Variants in ATF7 observed in about 807,000 individuals in gnomAD.
The protein encoded by ATF7 is activating transcription factor 7, also known as cyclic AMP-dependent transcription factor ATF-7.
In ATF7, 10 loss-of-function variants were observed where a neutral mutation model predicts 50.4. The ratio of observed to expected loss-of-function variants is 0.20; its 90% CI spans 0.12 to 0.34. The LOEUF is 0.34. ATF7 is among the 10% of genes least tolerant of loss of function. The pLI, the probability that ATF7 is intolerant of heterozygous loss-of-function variation, is 1.00. For synonymous variants in ATF7, 201 were observed against 226.4 expected, an observed-to-expected ratio of 0.89 and a Z score of 1.01; for missense variants, 465 against 613.9, an observed-to-expected ratio of 0.76 and a Z score of 2.56.
chr12:53,517,310 CAG>C lies in ATF7; in HGVS notation c.1277_1278del (p.Pro426ArgfsTer11). On this transcript the variant is annotated frameshift_variant, in exon 12 of 12. Coordinates refer to ENST00000420353, the MANE Select transcript of ATF7 (RefSeq NM_006856.3). LOFTEE classifies it high-confidence loss of function. ...GCTGTTGCTGAGCTGTGCTGAATCACAGGGGCTGGAGAACCCGTTGGCTCTGA... is the reference window on the plus strand; with the variant it reads ...GCTGTTGCTGAGCTGTGCTGAATCACGGGCTGGAGAACCCGTTGGCTCTGA... Reference protein sequence around the residue: ...ESSEPTGSPAPVIQHSSATAP... With the variant: ...ESSEPTGSPAXVIQHSSATAP... 1 of 1,613,982 alleles carries C rather than the reference CAG, an allele frequency of 6.2e-7. No individual in the cohort carries two copies. Among genetic ancestry groups the C allele is most frequent in the Non-Finnish European group, 8.5e-7 (1 of 1,179,892 alleles).
chr12:53,522,866 C>CAAACA (rs561388853), intron 11 of ATF7, among the ~76,000 whole-genome samples: 115 of 152,332 alleles, frequency 7.5e-4, no homozygotes, highest in African/African-American at 1.7e-3. Context: ...GACTCCGTCT[C>CAAACA]AAACAAAACA....
chr12:53,609,541 G>A (rs1418491247), intron 1 of ATF7, among the ~76,000 whole-genome samples: 5 of 151,446 alleles, frequency 3.3e-5, no homozygotes, highest in East Asian at 1.9e-4. Context: ...GGGAGCTCGG[G>A]AGACCGAGAT....
chr12:53,616,850 CAGG>C (rs1230723094), intron 1 of ATF7, among the ~76,000 whole-genome samples: 8 of 149,582 alleles, frequency 5.3e-5, no homozygotes, highest in African/African-American at 1.7e-4. Flanking sequence ...GAGGCTGAGG[CAGG>C]AGAACTGCTT....
At chr12:53,620,475 C>T (rs972037530) in intron 1 of ATF7, among the ~76,000 whole-genome samples, 2 of 146,694 alleles carry the variant, frequency 1.4e-5, no homozygotes, top group Non-Finnish European at 3.0e-5. Context: ...ACTTGGGAGG[C>T]TGAGGCAGGA....
At position 53,524,421 on chromosome 12, in the gene ATF7, C is replaced by T. The variant is rs768338545; in HGVS notation, c.1125+143G>A. The T allele has an allele frequency of 9.5e-6, 9 of 946,544 alleles. No individual in the cohort carries two copies. Among genetic ancestry groups the T allele is most frequent in the Non-Finnish European group, 1.1e-5 (7 of 646,634 alleles). 58.6% of individuals were successfully genotyped at this position (946,544 alleles called of 1,614,324 possible). A position where few individuals can be genotyped will look rare whatever the true frequency, so the allele number is the denominator to read the frequency against. On this transcript the variant is annotated intron_variant, in intron 10 of 11. Coordinates refer to ENST00000420353, the MANE Select transcript of ATF7 (RefSeq NM_006856.3). The surrounding 1 kb of genome is among the most constrained non-coding windows in gnomAD (Gnocchi z 4.6). The stretch of plus-strand genomic sequence containing the variant: ...CCTATGAAAGAGATTTCAACTCTGA[C>T]CGTTAAGAGATTCTTCATGGGACAA...
Position 53,524,465 on chromosome 12 carries a change from G to T in ATF7, c.1125+99C>A. 1 of 1,350,676 alleles carries T rather than the reference G, an allele frequency of 7.4e-7. No individual in the cohort carries two copies. Among genetic ancestry groups the T allele is most frequent in the Non-Finnish European group, 1.0e-6 (1 of 971,432 alleles). 83.7% of individuals were successfully genotyped at this position (1,350,676 alleles called of 1,614,324 possible). ...GGGACAACTAGATCTGTCCTAATTAGAGAATTACCATCTTCTATCAAATTG... is the reference window on the plus strand; with the variant it reads ...GGGACAACTAGATCTGTCCTAATTATAGAATTACCATCTTCTATCAAATTG... On this transcript the variant is annotated intron_variant, in intron 10 of 11. Transcript: ENST00000420353. The surrounding 1 kb of genome is among the most constrained non-coding windows in gnomAD (Gnocchi z 4.6).
At chr12:53,509,796 G>T (rs1445628599), downstream of ATF7, among the ~76,000 whole-genome samples, 1 of 152,014 alleles carries the variant, frequency 6.6e-6, no homozygotes, top group Admixed American at 6.6e-5. Flanking sequence ...GTGAGCCACC[G>T]CACCTGGCCC....
chr12:53,560,673 T>G (rs1049781505), intron 2 of ATF7, among the ~76,000 whole-genome samples: 1 of 152,178 alleles, frequency 6.6e-6, no homozygotes, highest in Non-Finnish European at 1.5e-5. Flanking sequence ...TGACCTATGA[T>G]GAATTCATGT....
chr12:53,584,615 A>T (rs923894627), intron 2 of ATF7, among the ~76,000 whole-genome samples: 3 of 152,222 alleles, frequency 2.0e-5, no homozygotes, highest in Non-Finnish European at 4.4e-5. Flanking sequence ...TTTACTCATA[A>T]TTGCCAAATC....
chr12:53,543,463 G>T lies in ATF7; in HGVS notation c.146-15C>A, dbSNP rs1447664774. ...AGGCGTTTGATCTGTAGACATGAAA[G>T]AAAAGGAAACTGTTTTAGTTTTGAT... On this transcript the variant is annotated splice_polypyrimidine_tract_variant and intron_variant, in intron 3 of 11. Coordinates refer to ENST00000420353, the MANE Select transcript of ATF7 (RefSeq NM_006856.3). 2 of 1,558,178 alleles carry T rather than the reference G, an allele frequency of 1.3e-6. No homozygotes were observed. The highest frequency in any genetic ancestry group is 4.0e-5 in the Admixed American group (2 of 50,184).
At chr12:53,602,977 T>A (rs1429001819) in intron 1 of ATF7, among the ~76,000 whole-genome samples, 1 of 152,170 alleles carries the variant, frequency 6.6e-6, no homozygotes, top group Non-Finnish European at 1.5e-5. Context: ...TAGAGAAAAT[T>A]TCACTACATG....
chr12:53,543,056 T>C, intron 4 of ATF7: 1 of 1,312,776 alleles, frequency 7.6e-7, no homozygotes, highest in Non-Finnish European at 9.7e-7. Context: ...AATATAAATA[T>C]TTTTTAAAAA....
chr12:53,567,745 A>G (rs1240325566), intron 2 of ATF7, among the ~76,000 whole-genome samples: 2 of 152,196 alleles, frequency 1.3e-5, no homozygotes, highest in African/African-American at 2.4e-5. Context: ...GTATTCTCCT[A>G]TCCAGATGTA....
At chr12:53,593,767 G>A (rs930106770) in intron 2 of ATF7, among the ~76,000 whole-genome samples, 1 of 152,194 alleles carries the variant, frequency 6.6e-6, no homozygotes, top group Non-Finnish European at 1.5e-5. Context: ...TAAAACGCCA[G>A]AAGACTTTAC....
At chr12:53,571,260 T>C (rs999043034) in intron 2 of ATF7, among the ~76,000 whole-genome samples, 1 of 152,104 alleles carries the variant, frequency 6.6e-6, no homozygotes, top group African/African-American at 2.4e-5. Context: ...TACGGTCCTC[T>C]TTAATATCTT....
intron 4 of ATF7, among the ~76,000 whole-genome samples, chr12:53,539,686 CAATGAATGAATGAATGAATGAATG>C (rs144445994): frequency 6.7e-6 from 1 of 148,448 alleles, no homozygotes; most frequent in East Asian, 2.0e-4. Context: ...AAGATCCTGT[CAATGAATGAATGAATGAATGAATG>C]AATGAATGAA....
intron 2 of ATF7, among the ~76,000 whole-genome samples, chr12:53,581,968 A>G (rs1172261691): frequency 3.3e-4 from 50 of 151,604 alleles, no homozygotes; most frequent in Non-Finnish European, 4.4e-5. Context: ...ATAAAAAATA[A>G]AAAAATTAGC....
intron 2 of ATF7, among the ~76,000 whole-genome samples, chr12:53,590,860 C>A (rs1565984208): frequency 6.6e-6 from 1 of 152,110 alleles, no homozygotes; most frequent in Non-Finnish European, 1.5e-5. Flanking sequence ...GTACAAAGAT[C>A]AGTGGTTACC....
chr12:53,600,939 T>C lies in ATF7; in HGVS notation c.48+14A>G, dbSNP rs1364526293. 6.2e-7 allele frequency: 1 copy of C among 1,612,312 alleles called. No homozygotes were observed. Among genetic ancestry groups the C allele is most frequent in the Non-Finnish European group, 8.5e-7 (1 of 1,179,084 alleles). On this transcript the variant is annotated intron_variant, in intron 2 of 11. Coordinates refer to ENST00000420353, the MANE Select transcript of ATF7 (RefSeq NM_006856.3). ...ACAACGAGACATTCACAATAAAGTA[T>C]ATTGTAAACGTACCTGTCCACAGCC...
Sources: gnomAD v4.1 joint callset for allele counts (sites outside exome capture counted in the v4.1 genomes callset) on GRCh38, gnomAD v4.1.1 for gene constraint, Gnocchi (gnomAD v3.1) non-coding constraint, MANE v1.5 for transcripts, NCBI Gene and HGNC (gene_info 2026-07-23, HGNC 2026-07-21) for gene names.